Variants in CCDC91 observed in about 807,000 individuals in gnomAD.
CCDC91 encodes coiled-coil domain containing 91, also known as coiled-coil domain-containing protein 91.
Under a neutral mutation model 63.2 loss-of-function variants are expected in CCDC91, and 48 were observed. The ratio of observed to expected loss-of-function variants is 0.76; its 90% confidence interval spans 0.60 to 0.97. The LOEUF is 0.97. CCDC91 is among the 50% of genes least tolerant of loss of function. The probability of loss-of-function intolerance (pLI) is 0.00; values close to 1 mark genes in which losing one functional copy is unlikely to be tolerated. For synonymous variants in CCDC91, 167 were observed against 165.8 expected (o/e 1.01, Z -0.06); for missense variants, 500 against 494.6 (o/e 1.01, Z -0.10).
chr12:28,405,723 T>G (rs1946894720), intron 8 of CCDC91, among the ~76,000 whole-genome samples: 1 of 152,176 alleles, frequency 6.6e-6, no homozygotes. Flanking sequence ...AAGTTCTGTA[T>G]TTTGGTTTTG....
At chr12:28,429,450 T>C (rs1479337319) in intron 8 of CCDC91, among the ~76,000 whole-genome samples, 1 of 152,090 alleles carries the variant, frequency 6.6e-6, no homozygotes, top group Non-Finnish European at 1.5e-5. Context: ...TATAAAACAT[T>C]CTTTGCCTTT....
chr12:28,192,540 C>G (rs766887923), intron 1 of CCDC91, among the ~76,000 whole-genome samples: 16 of 152,118 alleles, frequency 1.1e-4, no homozygotes, highest in Admixed American at 1.0e-3. Context: ...ACAATGAGAA[C>G]TTAATTGAAA....
At chr12:28,277,224 A>G (rs1250294375) in intron 3 of CCDC91, among the ~76,000 whole-genome samples, 1 of 151,982 alleles carries the variant, frequency 6.6e-6, no homozygotes. Flanking sequence ...TGAACATTTT[A>G]GAGATTTATA....
chr12:28,303,521 TA>T (rs1404552824), intron 3 of CCDC91, among the ~76,000 whole-genome samples: 1 of 152,168 alleles, frequency 6.6e-6, no homozygotes, highest in Non-Finnish European at 1.5e-5. Flanking sequence ...CTTATGCCTA[TA>T]AATATGAGTA....
At chr12:28,483,522 A>T (rs1283949753) in intron 11 of CCDC91, among the ~76,000 whole-genome samples, 1 of 152,072 alleles carries the variant, frequency 6.6e-6, no homozygotes, top group Non-Finnish European at 1.5e-5. Flanking sequence ...TCTCATTTCA[A>T]ATACTAGCAC....
At chr12:28,503,207 A>T (rs1182809755) in intron 12 of CCDC91, among the ~76,000 whole-genome samples, 2 of 152,186 alleles carry the variant, frequency 1.3e-5, no homozygotes, top group Non-Finnish European at 2.9e-5. Flanking sequence ...TAATATCCAG[A>T]ATCTACAATG....
At chr12:28,292,970 T>G (rs1232845832) in intron 3 of CCDC91, among the ~76,000 whole-genome samples, 2 of 152,226 alleles carry the variant, frequency 1.3e-5, no homozygotes, top group African/African-American at 4.8e-5. Flanking sequence ...TGGCAAATGG[T>G]ATATTTGTAA....
At chr12:28,393,345 A>G (rs539800343) in intron 8 of CCDC91, among the ~76,000 whole-genome samples, 1 of 151,572 alleles carries the variant, frequency 6.6e-6, no homozygotes, top group Middle Eastern at 3.4e-3. Context: ...CAGTTGTTTT[A>G]GAGAACTACT....
At chr12:28,463,430 T>C (rs1204693040) in intron 11 of CCDC91, among the ~76,000 whole-genome samples, 1 of 152,176 alleles carries the variant, frequency 6.6e-6, no homozygotes, top group African/African-American at 2.4e-5. Context: ...GAGCTAAATA[T>C]TTTTTATGGA....
At chr12:28,501,495 A>C (rs1451374743) in intron 12 of CCDC91, among the ~76,000 whole-genome samples, 1 of 151,968 alleles carries the variant, frequency 6.6e-6, no homozygotes, top group Non-Finnish European at 1.5e-5. Context: ...TTCTGTTTAA[A>C]TGCTGGATTA....
intron 6 of CCDC91, among the ~76,000 whole-genome samples, chr12:28,327,779 G>T (rs1460506029): frequency 2.0e-5 from 3 of 152,252 alleles, no homozygotes; most frequent in African/African-American, 7.2e-5. Context: ...ACTGGTGGGA[G>T]TGTCATTTAG....
intron 7 of CCDC91, among the ~76,000 whole-genome samples, chr12:28,372,847 G>GT (rs950920267): frequency 2.6e-5 from 4 of 152,028 alleles, no homozygotes; most frequent in African/African-American, 9.7e-5. Flanking sequence ...ATTGCTCTTG[G>GT]TAGGACTTCC....
At chr12:28,386,988 G>A (rs1945643932) in intron 7 of CCDC91, among the ~76,000 whole-genome samples, 2 of 151,866 alleles carry the variant, frequency 1.3e-5, no homozygotes, top group South Asian at 2.1e-4. Flanking sequence ...TTTGTCTTGG[G>A]TATCTGTAGA....
chr12:28,459,115 G>C (rs1319827091), intron 11 of CCDC91, among the ~76,000 whole-genome samples: 2 of 151,904 alleles, frequency 1.3e-5, no homozygotes, highest in Admixed American at 6.6e-5. Context: ...ATGGTCTTGG[G>C]CCTTGGTTCA....
intron 6 of CCDC91, among the ~76,000 whole-genome samples, chr12:28,328,892 T>C (rs1941253283): frequency 1.3e-5 from 2 of 152,064 alleles, no homozygotes; most frequent in African/African-American, 2.4e-5. Flanking sequence ...ATATAGATGC[T>C]TAAAATAAGA....
chr12:28,202,081 T>A (rs1468011095), intron 1 of CCDC91, among the ~76,000 whole-genome samples: 1 of 152,194 alleles, frequency 6.6e-6, no homozygotes, highest in Admixed American at 6.5e-5. Context: ...ATTATACTTT[T>A]TAATTCCACA....
intron 3 of CCDC91, chr12:28,304,551 T>G: frequency 2.0e-6 from 1 of 503,224 alleles, no homozygotes; most frequent in South Asian, 2.0e-5. Context: ...AATTGAATTC[T>G]TAGAATATCA....
At chr12:28,520,695 A>G (rs1007075046) in intron 12 of CCDC91, among the ~76,000 whole-genome samples, 3 of 152,130 alleles carry the variant, frequency 2.0e-5, no homozygotes, top group African/African-American at 4.8e-5. Context: ...TAGGGTTTTT[A>G]TGGTTTTAGG....
chr12:28,315,554 T>G (rs1192044191), intron 6 of CCDC91, among the ~76,000 whole-genome samples: 4 of 152,042 alleles, frequency 2.6e-5, no homozygotes, highest in Admixed American at 2.0e-4. Flanking sequence ...TTTCTGCATT[T>G]CATCTGTTTT....
Sources: gnomAD v4.1 joint callset for allele counts (sites outside exome capture counted in the v4.1 genomes callset) on GRCh38, gnomAD v4.1.1 for gene constraint, MANE v1.5 for transcripts, NCBI Gene and HGNC (gene_info 2026-07-23, HGNC 2026-07-21) for gene names.